Variants in FANCB observed in about 807,000 individuals in gnomAD.
The protein encoded by FANCB is Fanconi anemia group B protein.
Under a neutral mutation model 38.9 loss-of-function variants are expected in FANCB, and 5 were observed. That is an observed-to-expected ratio of 0.13 (90% CI 0.07 to 0.27). The LOEUF (loss-of-function observed/expected upper bound fraction) is 0.27, where lower values mean the gene tolerates loss of function less well. Ranked by LOEUF, FANCB falls within the 10% of genes least tolerant of loss-of-function variation. FANCB has a pLI of 1.00. For synonymous variants in FANCB, 236 were observed against 215.4 expected (o/e 1.10, Z -0.84); for missense variants, 573 against 602.7 (o/e 0.95, Z 0.52).
the FANCB span, chrX:14,730,950 A>AC: frequency 5.2e-5 from 5 of 96,529 alleles, no homozygotes; most frequent in African/African-American, 2.1e-4. Context: ...ACACACACAC[A>AC]AACTTCAAAA....
At chrX:14,801,089 G>A in the FANCB span, among the ~76,000 whole-genome samples, 3 of 111,542 alleles carry the variant, frequency 2.7e-5, no homozygotes, top group Non-Finnish European at 5.6e-5. Flanking sequence ...TAGATTGACC[G>A]TGGGCGTGGC....
the FANCB span, among the ~76,000 whole-genome samples, chrX:14,738,809 T>C: frequency 3.6e-5 from 4 of 111,996 alleles, no homozygotes; most frequent in African/African-American, 6.5e-5. Context: ...AAGCTCCTCA[T>C]CTATGCCACT....
chrX:14,773,433 C>A, the FANCB span, among the ~76,000 whole-genome samples: 1 of 111,361 alleles, frequency 9.0e-6, no homozygotes, highest in Non-Finnish European at 1.9e-5. Flanking sequence ...ATGGGAGAAT[C>A]TAGGAGATTT....
At chrX:14,707,113 C>T in the FANCB span, among the ~76,000 whole-genome samples, 1 of 112,035 alleles carries the variant, frequency 8.9e-6, no homozygotes, top group African/African-American at 3.2e-5. Flanking sequence ...CATTACAGCA[C>T]CATTTCCTGG....
chrX:14,713,827 TATG>T, the FANCB span, among the ~76,000 whole-genome samples: 1 of 111,148 alleles, frequency 9.0e-6, no homozygotes, highest in African/African-American at 3.3e-5. Flanking sequence ...TACAAGGACT[TATG>T]AGGAGAACCA....
At chrX:14,730,891 T>TAC in the FANCB span, 403 of 97,801 alleles carry the variant, frequency 4.1e-3, 5 homozygotes, top group African/African-American at 0.011. Context: ...AAGTTAGCTA[T>TAC]ACACACACAC....
downstream of FANCB, among the ~76,000 whole-genome samples, chrX:14,839,047 T>C (rs901712515): frequency 9.0e-6 from 1 of 111,037 alleles, no homozygotes; most frequent in Non-Finnish European, 1.9e-5. Context: ...TCCCAGCACT[T>C]TGGGAGGAGG....
At chrX:14,818,394 G>C in the FANCB span, among the ~76,000 whole-genome samples, 1 of 107,170 alleles carries the variant, frequency 9.3e-6, no homozygotes, top group Non-Finnish European at 1.9e-5. Flanking sequence ...AAAAAAAAGA[G>C]AGAGACTCTA....
At chrX:14,690,659 T>C in the FANCB span, 43 of 773,473 alleles carry the variant, frequency 5.6e-5, no homozygotes, top group South Asian at 4.0e-4. Context: ...TAGTCTTTCT[T>C]TCTCTCTCTC....
At chrX:14,846,608 C>A (rs747421631) in intron 7 of FANCB, among the ~76,000 whole-genome samples, 2 of 111,552 alleles carry the variant, frequency 1.8e-5, no homozygotes, top group Non-Finnish European at 3.8e-5. Flanking sequence ...ACTGATCACA[C>A]TTTACATACC....
At chrX:14,836,071 A>G (rs1025242655) in exon 11 of FANCB, 12 of 112,425 alleles carry the variant, frequency 1.1e-4, no homozygotes, top group African/African-American at 2.6e-4. Context: ...TATGTATACA[A>G]TGGAATACTA....
chrX:14,841,256 C>A (rs758883879), downstream of FANCB, among the ~76,000 whole-genome samples: 133 of 111,866 alleles, frequency 1.2e-3, 1 homozygote, highest in African/African-American at 4.1e-3. Flanking sequence ...AAAGTAACAT[C>A]TTTGTAATTT....
chrX:14,700,654 A>G, the FANCB span, among the ~76,000 whole-genome samples: 3 of 111,600 alleles, frequency 2.7e-5, no homozygotes, highest in Non-Finnish European at 5.6e-5. Context: ...GGAGGCAGAC[A>G]CAAGATTTTA....
chrX:14,722,857 GATACTT>G, the FANCB span, among the ~76,000 whole-genome samples: 1 of 112,265 alleles, frequency 8.9e-6, no homozygotes, highest in Admixed American at 9.4e-5. Context: ...CATGCAGAAT[GATACTT>G]ATAATTTCAT....
intron 2 of FANCB, among the ~76,000 whole-genome samples, chrX:14,867,405 A>G (rs2092474288): frequency 9.0e-6 from 1 of 111,350 alleles, no homozygotes; most frequent in African/African-American, 3.3e-5. Flanking sequence ...ATGGAACACA[A>G]TGGAGAGGCC....
chrX:14,786,292 G>A, the FANCB span, among the ~76,000 whole-genome samples: 1,482 of 111,112 alleles, frequency 0.013, 10 homozygotes, highest in Middle Eastern at 0.051. Context: ...GGAGATAGGC[G>A]CTTCAGTCCT....
At chrX:14,718,234 G>T in the FANCB span, among the ~76,000 whole-genome samples, 1 of 111,469 alleles carries the variant, frequency 9.0e-6, no homozygotes, top group East Asian at 2.8e-4. Context: ...TACCTAGCAT[G>T]ACTTACAGAG....
At chrX:14,795,119 T>C in the FANCB span, among the ~76,000 whole-genome samples, 1 of 112,090 alleles carries the variant, frequency 8.9e-6, no homozygotes, top group Non-Finnish European at 1.9e-5. Flanking sequence ...GGTCATTAGG[T>C]AGCCAAATTG....
chrX:14,733,291 A>G, the FANCB span, among the ~76,000 whole-genome samples: 2 of 111,564 alleles, frequency 1.8e-5, no homozygotes, highest in African/African-American at 6.5e-5. Context: ...TATAGTTTGA[A>G]GTCAGGTAGC....
Sources: allele counts gnomAD v4.1 joint callset (sites outside exome capture counted in the v4.1 genomes callset), GRCh38; gene constraint gnomAD v4.1.1; transcripts MANE v1.5; gene names NCBI Gene and HGNC (gene_info 2026-07-23, HGNC 2026-07-21).